UBE3D: variants seen among roughly 807,000 people sequenced by gnomAD.
UBE3D encodes ubiquitin protein ligase E3D, also known as E3 ubiquitin-protein ligase E3D.
Under a neutral mutation model 49.6 loss-of-function variants are expected in UBE3D, and 48 were observed. That is an observed-to-expected ratio of 0.97 (90% confidence interval 0.77 to 1.23). The LOEUF is 1.23. Among genes scored for constraint, UBE3D ranks in the 50% most tolerant of loss-of-function variants. The pLI, the probability that UBE3D is intolerant of heterozygous loss-of-function variation, is 0.00. For synonymous variants in UBE3D, 189 were observed against 174.2 expected (o/e 1.08, Z -0.67); for missense variants, 452 against 468.4 (o/e 0.96, Z 0.32).
At chr6:83,035,067 G>A (rs1185235048) in intron 5 of UBE3D, among the ~76,000 whole-genome samples, 1 of 151,656 alleles carries the variant, frequency 6.6e-6, no homozygotes, top group Non-Finnish European at 1.5e-5. Context: ...TGTGGTCCCG[G>A]CTACTTGGGA....
intron 9 of UBE3D, among the ~76,000 whole-genome samples, chr6:82,935,344 C>G (rs1774488978): frequency 6.6e-6 from 1 of 152,080 alleles, no homozygotes; most frequent in Non-Finnish European, 1.5e-5. Context: ...GAGATACACC[C>G]CTGTGACCCA....
intron 8 of UBE3D, among the ~76,000 whole-genome samples, chr6:83,005,518 C>A (rs893117723): frequency 6.6e-6 from 1 of 151,860 alleles, no homozygotes; most frequent in Admixed American, 6.6e-5. Flanking sequence ...CATGGTGGCT[C>A]AGGCACATAA....
At chr6:82,886,693 C>T in the UBE3D span, among the ~76,000 whole-genome samples, 3 of 152,160 alleles carry the variant, frequency 2.0e-5, no homozygotes, top group African/African-American at 7.2e-5. Context: ...ATTTTTAACA[C>T]ACACATTTCT....
In UBE3D at chr6:83,059,922, C is replaced by A. The variant is rs78419703; in HGVS notation, c.78-1900G>T. Among the ~76,000 whole-genome samples, 689 of 152,222 alleles carry A rather than the reference C, an allele frequency of 4.5e-3. 5 individuals are homozygous for A. The highest frequency in any genetic ancestry group is 0.015 in the African/African-American group (638 of 41,534). ...AAATCTGAACAGGAGGTGAGGCCAG[C>A]TCAGGATGGGGTTTCAGAGCCTGTC... On this transcript the variant is annotated intron_variant, in intron 1 of 9. Coordinates refer to ENST00000369747, the MANE Select transcript of UBE3D (RefSeq NM_198920.3).
chr6:83,019,496 C>A (rs1369558325), intron 7 of UBE3D, among the ~76,000 whole-genome samples: 3 of 152,084 alleles, frequency 2.0e-5, no homozygotes, highest in East Asian at 1.9e-4. Context: ...ATATTAGAAT[C>A]TTAATGTAAC....
intron 9 of UBE3D, among the ~76,000 whole-genome samples, chr6:82,917,572 C>A (rs1272166018): frequency 6.6e-6 from 1 of 152,166 alleles, no homozygotes; most frequent in Middle Eastern, 3.2e-3. Context: ...CACTATGAGA[C>A]CTCCCTGGGG....
At chr6:83,055,130 T>C (rs1783733682) in intron 2 of UBE3D, among the ~76,000 whole-genome samples, 1 of 75,366 alleles carries the variant, frequency 1.3e-5, no homozygotes, top group African/African-American at 5.5e-5. Context: ...GGTAAAACGT[T>C]GAAAGCTGTG....
intron 6 of UBE3D, 87 bp from the exon 7 acceptor site, chr6:83,022,648 T>G (rs754154587): frequency 1.3e-4 from 110 of 857,822 alleles, no homozygotes; most frequent in Non-Finnish European, 1.8e-4. Context: ...ACACGGTACC[T>G]AAAAGGCAGA....
At chr6:82,926,662 A>G (rs190329982) in intron 9 of UBE3D, among the ~76,000 whole-genome samples, 2 of 152,054 alleles carry the variant, frequency 1.3e-5, no homozygotes, top group Middle Eastern at 3.4e-3. Context: ...TGTTGTTTTA[A>G]TTTGCATTTT....
At chr6:83,006,391 T>C (rs1389942183) in intron 8 of UBE3D, among the ~76,000 whole-genome samples, 1 of 152,114 alleles carries the variant, frequency 6.6e-6, no homozygotes, top group Non-Finnish European at 1.5e-5. Context: ...TATTTGGAGA[T>C]AGGAGGTCAT....
Position 82,930,427 on chromosome 6 carries a change from T to C in UBE3D, c.1149+26885A>G, listed in dbSNP as rs1013725696. ...TTGGAACTGGGTAACAGGCAGAGGTTGGAATAGTTTGGCAGGCTCAGAAGA... is the reference window on the plus strand; with the variant it reads ...TTGGAACTGGGTAACAGGCAGAGGTCGGAATAGTTTGGCAGGCTCAGAAGA... On this transcript the variant is annotated intron_variant, in intron 9 of 9. Transcript: ENST00000369747. Among the ~76,000 whole-genome samples, 120 of 152,112 alleles carry C rather than the reference T, an allele frequency of 7.9e-4. 1 individual carries two copies. Among genetic ancestry groups the C allele is most frequent in the Non-Finnish European group, 1.9e-4 (13 of 68,022 alleles).
In UBE3D at chr6:83,019,769, A is replaced by G. The variant is rs554242189; in HGVS notation, c.847-633T>C. ...CTGGAGTCTGGTTTCAGCCTGATCC[A>G]TGGGGGAGTTCTACAGCATGAATCC... On this transcript the variant is annotated intron_variant, in intron 7 of 9. Coordinates refer to ENST00000369747, the MANE Select transcript of UBE3D (RefSeq NM_198920.3). 5.3e-5 allele frequency among the ~76,000 whole-genome samples: 8 copies of G among 152,326 alleles called. No homozygotes were observed. In the East Asian group the frequency reaches 1.4e-3, roughly 26 times the overall value.
chr6:82,893,578 G>C (rs6454309), intron 9 of UBE3D, among the ~76,000 whole-genome samples: 23,392 of 152,166 alleles, frequency 0.15, 3,052 homozygotes, highest in African/African-American at 0.35. Flanking sequence ...TAGATCAAAT[G>C]CATCTAATTT....
chr6:82,986,492 A>C (rs1452617367), intron 8 of UBE3D, among the ~76,000 whole-genome samples: 7 of 149,852 alleles, frequency 4.7e-5, no homozygotes, highest in Admixed American at 2.7e-4. Flanking sequence ...AAAAAAAAAA[A>C]AAAAAACTTT....
intron 9 of UBE3D, among the ~76,000 whole-genome samples, chr6:82,917,691 T>TG (rs1773025330): frequency 6.6e-6 from 1 of 152,004 alleles, no homozygotes; most frequent in Non-Finnish European, 1.5e-5. Context: ...GGGAACTAGG[T>TG]GGGGGAAAGG....
At chr6:82,892,031 T>A (rs1770992125), downstream of UBE3D, among the ~76,000 whole-genome samples, 1 of 151,656 alleles carries the variant, frequency 6.6e-6, no homozygotes, top group Non-Finnish European at 1.5e-5. Context: ...AAAAAAGTGT[T>A]AGAAAATTTG....
intron 8 of UBE3D, among the ~76,000 whole-genome samples, chr6:83,010,735 A>T (rs1333760312): frequency 6.6e-6 from 1 of 152,192 alleles, no homozygotes; most frequent in East Asian, 1.9e-4. Flanking sequence ...CATCCAGCAT[A>T]GGAGAAGGAT....
chr6:82,990,985 A>G (rs148239789), intron 8 of UBE3D, among the ~76,000 whole-genome samples: 18 of 152,270 alleles, frequency 1.2e-4, no homozygotes, highest in Non-Finnish European at 2.2e-4. Context: ...AACAGGGACT[A>G]TAGTTGTCCA....
intron 1 of UBE3D, chr6:83,063,383 T>TTC: frequency 7.8e-6 from 1 of 128,742 alleles, no homozygotes; most frequent in Non-Finnish European, 1.5e-5. Context: ...CACTGCACTG[T>TTC]AGCCTGGGCA....
Sources: gnomAD v4.1 joint callset for allele counts (sites outside exome capture counted in the v4.1 genomes callset) on GRCh38, gnomAD v4.1.1 for gene constraint, MANE v1.5 for transcripts, NCBI Gene and HGNC (gene_info 2026-07-23, HGNC 2026-07-21) for gene names.